Variants in CENPI observed in about 807,000 individuals in gnomAD.
The protein encoded by CENPI is FSH primary response 1.
In CENPI, 4 loss-of-function variants were observed where a neutral mutation model predicts 60.4. The ratio of observed to expected loss-of-function variants is 0.07; its 90% confidence interval spans 0.03 to 0.15. The LOEUF (loss-of-function observed/expected upper bound fraction) is 0.15. Ranked by LOEUF, CENPI falls within the 10% of genes least tolerant of loss-of-function variation. The pLI is 1.00. For missense variants in CENPI, 444 were observed against 534.5 expected, an observed-to-expected ratio of 0.83 and a Z score of 1.67; for synonymous variants, 157 against 189.4, an observed-to-expected ratio of 0.83 and a Z score of 1.40.
At chrX:101,120,675 A>T in intron 7 of CENPI, 63 bp from the exon 8 acceptor site, 1 of 1,008,488 alleles carries the variant, frequency 9.9e-7, no homozygotes, top group African/African-American at 1.9e-5. Context: ...GTGGTTAAAT[A>T]TAACCAATTT....
chrX:101,113,009 A>G (rs984180388), intron 6 of CENPI, among the ~76,000 whole-genome samples: 15 of 105,972 alleles, frequency 1.4e-4, no homozygotes, highest in African/African-American at 5.2e-4. Context: ...TTTTGGATTG[A>G]CCGTAGTTTC....
At chrX:101,117,116 G>A (rs1398175279) in intron 6 of CENPI, among the ~76,000 whole-genome samples, 1 of 111,654 alleles carries the variant, frequency 9.0e-6, no homozygotes, top group African/African-American at 3.3e-5. Context: ...TTACCTGAGA[G>A]TTACAAAGTT....
intron 6 of CENPI, among the ~76,000 whole-genome samples, chrX:101,110,592 C>T (rs2089543682): frequency 8.9e-6 from 1 of 112,285 alleles, no homozygotes; most frequent in Admixed American, 9.5e-5. Flanking sequence ...ACTCATCTAA[C>T]TGTATTGCTC....
At chrX:101,180,699 T>G in the CENPI span, among the ~76,000 whole-genome samples, 2 of 111,956 alleles carry the variant, frequency 1.8e-5, no homozygotes, top group Admixed American at 9.5e-5. Context: ...TTTACATCAT[T>G]GTTTTCTTCT....
At chrX:101,177,615 A>T in the CENPI span, among the ~76,000 whole-genome samples, 3 of 112,237 alleles carry the variant, frequency 2.7e-5, no homozygotes. Context: ...CCCTGCTACT[A>T]TAGAGGACAG....
Position 101,165,192 on chromosome X carries a change from T to C in CENPI, c.*2225T>C, listed in dbSNP as rs1049074856. ...GATATGTAAATGGGAAGCAATTAGA[T>C]TGAGAAGAGGAGTGACATAATTTGA... is the stretch of plus-strand genomic sequence containing the variant. On this transcript the variant is annotated 3_prime_UTR_variant, in exon 22 of 22. Transcript: ENST00000682095. Among the ~76,000 whole-genome samples the C allele has an allele frequency of 2.7e-5, 3 of 111,706 alleles. No individual in the cohort carries two copies. The Admixed American group carries it at 2.9e-4, about 11-fold the overall frequency.
chrX:101,108,145 G>C (rs1351997543), intron 4 of CENPI, among the ~76,000 whole-genome samples: 1 of 111,260 alleles, frequency 9.0e-6, no homozygotes, highest in African/African-American at 3.3e-5. Flanking sequence ...TGTGATCTCA[G>C]TTCACTGCAA....
intron 4 of CENPI, among the ~76,000 whole-genome samples, chrX:101,105,396 C>T (rs780279410): frequency 2.7e-5 from 3 of 110,831 alleles, no homozygotes; most frequent in East Asian, 2.8e-4. Context: ...TGGTGTCGGG[C>T]GCCTGTAGTC....
intron 18 of CENPI, 35 bp from the exon 19 acceptor site, chrX:101,147,728 G>T (rs1321307716): frequency 1.8e-6 from 2 of 1,101,659 alleles, no homozygotes; most frequent in Non-Finnish European, 2.5e-6. Flanking sequence ...TCAAAGGCAT[G>T]TTAAATGTTT....
Position 101,141,415 on chromosome X carries a change from C to T in CENPI, c.1565+655C>T, listed in dbSNP as rs1307238537. The T allele has an allele frequency of 2.7e-5, 3 of 111,430 alleles. No homozygotes were observed. The Admixed American group carries it at 2.9e-4, about 11-fold the overall frequency. 9.2% of individuals were successfully genotyped at this position (111,430 alleles called of 1,213,427 possible). On this transcript the variant is annotated intron_variant, in intron 16 of 21. Transcript: ENST00000682095. ...AGTGCAGTGGCACAATATTGGCTCACCTCAACCTCCACCTCCCAGCTTCAA... is the reference window on the plus strand; with the variant it reads ...AGTGCAGTGGCACAATATTGGCTCATCTCAACCTCCACCTCCCAGCTTCAA...
At chrX:101,153,463 G>A (rs1274946365) in intron 20 of CENPI, among the ~76,000 whole-genome samples, 1 of 109,472 alleles carries the variant, frequency 9.1e-6, no homozygotes, top group Non-Finnish European at 1.9e-5. Context: ...ACTCCTGACC[G>A]TTTTTTGTAG....
At chrX:101,166,783 C>T (rs987653089), downstream of CENPI, among the ~76,000 whole-genome samples, 1 of 112,345 alleles carries the variant, frequency 8.9e-6, no homozygotes, top group African/African-American at 3.2e-5. Context: ...TTTTTTGAGA[C>T]GGAGTCTTAC....
intron 20 of CENPI, among the ~76,000 whole-genome samples, chrX:101,160,111 G>A (rs2090093771): frequency 8.9e-6 from 1 of 112,098 alleles, no homozygotes; most frequent in Non-Finnish European, 1.9e-5. Flanking sequence ...CAGTCAGGTA[G>A]GAGTCATGGC....
intron 11 of CENPI, among the ~76,000 whole-genome samples, chrX:101,128,484 C>T (rs973945951): frequency 1.8e-5 from 2 of 110,896 alleles, no homozygotes; most frequent in South Asian, 3.8e-4. Flanking sequence ...GGTGACAGAG[C>T]GAGACTCCAT....
chrX:101,152,670 G>A (rs1286414685), intron 20 of CENPI, among the ~76,000 whole-genome samples: 2 of 111,086 alleles, frequency 1.8e-5, no homozygotes, highest in Non-Finnish European at 3.8e-5. Context: ...CCATAGTGCT[G>A]GGATTACAGG....
rs916924716 is a variant in CENPI at position 101,120,799 on chromosome X, G to T, written c.687+15G>T. On this transcript the variant is annotated intron_variant, in intron 8 of 21. Transcript: ENST00000682095. ...AGGCCAAAATGGTGAGTACTGAAAA[G>T]ACCTAAGACCTGCCAATGTACTATG... 3.4e-6 allele frequency: 4 copies of T among 1,176,480 alleles called. No homozygotes were observed. In the African/African-American group the frequency reaches 7.1e-5, roughly 21 times the overall value.
downstream of CENPI, among the ~76,000 whole-genome samples, chrX:101,168,743 C>T (rs962771722): frequency 9.0e-6 from 1 of 111,607 alleles, no homozygotes; most frequent in Non-Finnish European, 1.9e-5. Flanking sequence ...AGAGGCTATA[C>T]AGTGGGGGAA....
At chrX:101,159,682 G>A (rs1244938362) in intron 20 of CENPI, among the ~76,000 whole-genome samples, 11 of 109,543 alleles carry the variant, frequency 1.0e-4, no homozygotes, top group African/African-American at 3.7e-4. Flanking sequence ...GGCTGGTCTC[G>A]AACTCCTGAC....
At position 101,163,454 on chromosome X, in the gene CENPI, G is replaced by T; in HGVS notation, c.*487G>T. On this transcript the variant is annotated 3_prime_UTR_variant, in exon 22 of 22. Coordinates refer to ENST00000682095, the MANE Select transcript of CENPI (RefSeq NM_001386188.2). Reference sequence around the variant, plus strand: ...ATGACTCTAAAAGCCCTAAGTAGTTGGTAACTTCCTGGGCCTTCAATCATA... The same window carrying T: ...ATGACTCTAAAAGCCCTAAGTAGTTTGTAACTTCCTGGGCCTTCAATCATA... 1 of 119,661 alleles carries T rather than the reference G, an allele frequency of 8.4e-6. No individual in the cohort carries two copies. The allele number at this position is 119,661 out of a possible 1,213,427, so 9.9% of individuals were successfully genotyped here.
Sources: gnomAD v4.1 joint callset for allele counts (sites outside exome capture counted in the v4.1 genomes callset) on GRCh38, gnomAD v4.1.1 for gene constraint, MANE v1.5 for transcripts, NCBI Gene and HGNC (gene_info 2026-07-23, HGNC 2026-07-21) for gene names.